ALK: variants seen among roughly 807,000 people sequenced by gnomAD.
ALK encodes the protein ALK receptor tyrosine kinase, also known as ALK tyrosine kinase receptor.
Under a neutral mutation model 163.1 loss-of-function variants are expected in ALK, and 74 were observed. That is an observed-to-expected ratio of 0.45 (90% CI 0.38 to 0.55). ALK has a LOEUF of 0.55. ALK is among the 20% of genes least tolerant of loss of function. ALK has a pLI of 0.00. For synonymous variants in ALK, 960 were observed against 843.2 expected, an observed-to-expected ratio of 1.14 and a Z score of -2.40; for missense variants, 2,063 against 2,105.3, an observed-to-expected ratio of 0.98 and a Z score of 0.39.
At chr2:29,510,806 A>C (rs989500573) in intron 4 of ALK, among the ~76,000 whole-genome samples, 2 of 152,182 alleles carry the variant, frequency 1.3e-5, no homozygotes, top group Non-Finnish European at 2.9e-5. Flanking sequence ...TGAGAGAGGA[A>C]GAGAACAGAG....
intron 1 of ALK, among the ~76,000 whole-genome samples, chr2:29,898,185 G>T (rs1181486254): frequency 6.6e-6 from 1 of 152,254 alleles, no homozygotes; most frequent in Non-Finnish European, 1.5e-5. Context: ...GCCTAGAGCT[G>T]TCCATAGCAG....
intron 1 of ALK, among the ~76,000 whole-genome samples, chr2:29,765,045 G>A (rs1044276619): frequency 1.3e-5 from 2 of 152,042 alleles, no homozygotes; most frequent in Admixed American, 6.6e-5. Context: ...CACATATGAC[G>A]TGCCTGCTTC....
rs551658031 is a variant in ALK, at chr2:29,345,531, G to A, written c.1283-17050C>T. ...ATACTGCTGGTGAGAAGGTGAACTGGGAGAACTTTTCTAGAAAAGTTTGGC... is the reference window on the plus strand; with the variant it reads ...ATACTGCTGGTGAGAAGGTGAACTGAGAGAACTTTTCTAGAAAAGTTTGGC... On this transcript the variant is annotated intron_variant, in intron 5 of 28. Transcript: ENST00000389048. 3.3e-5 allele frequency among the ~76,000 whole-genome samples: 5 copies of A among 152,048 alleles called. No homozygotes were observed. The East Asian group carries it at 7.7e-4, about 23-fold the overall frequency.
intron 5 of ALK, among the ~76,000 whole-genome samples, chr2:29,339,237 T>G (rs1220093263): frequency 2.1e-5 from 3 of 140,004 alleles, no homozygotes; most frequent in Admixed American, 2.1e-4. Context: ...GGCGAGACTC[T>G]ATCTCAAAAA....
intron 1 of ALK, among the ~76,000 whole-genome samples, chr2:29,918,268 G>A (rs1484158966): frequency 6.6e-6 from 1 of 152,208 alleles, no homozygotes; most frequent in African/African-American, 2.4e-5. Flanking sequence ...TTGATAAAAG[G>A]TGATGGGGAA....
chr2:29,755,537 G>A (rs1680496050), intron 1 of ALK, among the ~76,000 whole-genome samples: 1 of 152,192 alleles, frequency 6.6e-6, no homozygotes, highest in African/African-American at 2.4e-5. Flanking sequence ...TTCCTTCTCT[G>A]GAATGGATTC....
intron 5 of ALK, among the ~76,000 whole-genome samples, chr2:29,343,377 T>TAAA (rs36010663): frequency 1.5e-5 from 2 of 132,836 alleles, no homozygotes; most frequent in African/African-American, 5.7e-5. Context: ...TCTGGCTAAG[T>TAAA]AAAAAAAAAA....
chr2:29,587,628 A>G (rs1198667272), intron 3 of ALK, among the ~76,000 whole-genome samples: 2 of 152,060 alleles, frequency 1.3e-5, no homozygotes, highest in Non-Finnish European at 2.9e-5. Flanking sequence ...TAGAAAATGC[A>G]TAACTGTCCA....
chr2:29,471,773 C>T (rs1353796499), intron 4 of ALK, among the ~76,000 whole-genome samples: 1 of 150,556 alleles, frequency 6.6e-6, no homozygotes, highest in East Asian at 1.9e-4. Context: ...GTTTCATTCA[C>T]TCTTGTTGCC....
intron 1 of ALK, among the ~76,000 whole-genome samples, chr2:29,895,413 T>G (rs934223851): frequency 3.3e-5 from 5 of 152,156 alleles, no homozygotes; most frequent in Non-Finnish European, 7.3e-5. Flanking sequence ...GGCAATGAGC[T>G]GAAAGTTTAA....
Position 29,695,689 on chromosome 2 carries a change from C to T in ALK, c.788-675G>A, listed in dbSNP as rs138091950. Among the ~76,000 whole-genome samples the T allele has an allele frequency of 2.6e-4, 39 of 152,138 alleles. 1 individual carries two copies. The highest frequency in any genetic ancestry group is 9.4e-4 in the African/African-American group (39 of 41,502). On this transcript the variant is annotated intron_variant, in intron 2 of 28. Coordinates refer to ENST00000389048, the MANE Select transcript of ALK (RefSeq NM_004304.5). ...CCAGAAAAAAAACAAACAACCCCATCAAAAAGTGGGCAAAGGATATGAACA... is the reference window on the plus strand; with the variant it reads ...CCAGAAAAAAAACAAACAACCCCATTAAAAAGTGGGCAAAGGATATGAACA...
At chr2:29,285,748 A>T (rs981293034) in intron 9 of ALK, among the ~76,000 whole-genome samples, 1 of 150,436 alleles carries the variant, frequency 6.6e-6, no homozygotes, top group Non-Finnish European at 1.5e-5. Flanking sequence ...TTTTTAGTAA[A>T]GACGGGGTTT....
intron 3 of ALK, among the ~76,000 whole-genome samples, chr2:29,548,861 G>C (rs7580098): frequency 3.9e-5 from 6 of 152,014 alleles, no homozygotes; most frequent in Admixed American, 6.6e-5. Context: ...ACATTATGAC[G>C]AGTGGCTACA....
intron 4 of ALK, among the ~76,000 whole-genome samples, chr2:29,509,488 G>C (rs1315881983): frequency 6.6e-6 from 1 of 152,112 alleles, no homozygotes; most frequent in Non-Finnish European, 1.5e-5. Flanking sequence ...TATTAAGTCT[G>C]AAATCTGGAA....
At chr2:29,882,758 T>C (rs1242501920) in intron 1 of ALK, among the ~76,000 whole-genome samples, 1 of 152,200 alleles carries the variant, frequency 6.6e-6, no homozygotes, top group Admixed American at 6.5e-5. Context: ...AAGGGCTGTT[T>C]ATGTTTACCT....
chr2:29,282,439 T>C (rs924117254), intron 9 of ALK, among the ~76,000 whole-genome samples: 3 of 152,160 alleles, frequency 2.0e-5, no homozygotes, highest in African/African-American at 4.8e-5. Flanking sequence ...TCCTTGGCCA[T>C]GTCAAACGCA....
At chr2:29,574,103 G>T (rs1024585137) in intron 3 of ALK, among the ~76,000 whole-genome samples, 4 of 152,164 alleles carry the variant, frequency 2.6e-5, no homozygotes, top group Non-Finnish European at 5.9e-5. Context: ...ACTGATGCCG[G>T]AGCAGAACAA....
chr2:29,592,056 C>T (rs1488002876), intron 3 of ALK, among the ~76,000 whole-genome samples: 8 of 152,050 alleles, frequency 5.3e-5, no homozygotes, highest in Admixed American at 3.9e-4. Flanking sequence ...ACCAGCTCCC[C>T]AAAATCCAGA....
chr2:29,417,179 G>A (rs575600204), intron 4 of ALK, among the ~76,000 whole-genome samples: 8 of 151,884 alleles, frequency 5.3e-5, no homozygotes, highest in South Asian at 2.1e-4. Context: ...TAGTAGAAAC[G>A]GGATTTCACC....
Sources: gnomAD v4.1 joint callset for allele counts (sites outside exome capture counted in the v4.1 genomes callset) on GRCh38, gnomAD v4.1.1 for gene constraint, MANE v1.5 for transcripts, NCBI Gene and HGNC (gene_info 2026-07-23, HGNC 2026-07-21) for gene names.